ZMYND11: variants seen among roughly 807,000 people sequenced by gnomAD.
ZMYND11 encodes zinc finger MYND domain-containing protein 11.
ZMYND11 carries 9 observed loss-of-function variants against 84.9 expected under a neutral mutation model. The observed-to-expected ratio is 0.11, with a 90% confidence interval of 0.06 to 0.18. The LOEUF (loss-of-function observed/expected upper bound fraction) is 0.18. Among genes scored for constraint, ZMYND11 ranks in the 10% least tolerant of loss-of-function variants. ZMYND11 has a pLI of 1.00. For missense variants in ZMYND11, 409 were observed against 761.0 expected (o/e 0.54, Z 5.44); for synonymous variants, 250 against 244.1 (o/e 1.02, Z -0.23).
Position 202,613 on chromosome 10 carries a change from G to C in ZMYND11, c.117-7276G>C, listed in dbSNP as rs1352951679. Among the ~76,000 whole-genome samples the C allele has an allele frequency of 2.0e-5, 3 of 152,064 alleles. No homozygotes were observed. The East Asian group carries it at 5.8e-4, about 29-fold the overall frequency. On this transcript the variant is annotated intron_variant, in intron 2 of 14. Transcript: ENST00000381604. ...AGGAGGAAGCACTTAGTTTTGCGTTGTTGTCATTCGTGTGTGCTAGTTGCG... is the reference window on the plus strand; with the variant it reads ...AGGAGGAAGCACTTAGTTTTGCGTTCTTGTCATTCGTGTGTGCTAGTTGCG...
chr10:130,421 G>A (rs1202735593), upstream of ZMYND11, among the ~76,000 whole-genome samples: 1 of 152,138 alleles, frequency 6.6e-6, no homozygotes, highest in Non-Finnish European at 1.5e-5. Context: ...CTCCTTTTGT[G>A]TCAGGCATTT....
intron 3 of ZMYND11, among the ~76,000 whole-genome samples, chr10:220,989 T>C (rs1947056513): frequency 1.3e-5 from 2 of 152,196 alleles, no homozygotes; most frequent in Admixed American, 6.5e-5. Context: ...TCTTAAGATA[T>C]TTCTGAATAT....
At chr10:173,193 TATTTTAGGTACA>T (rs1554766107) in intron 1 of ZMYND11, among the ~76,000 whole-genome samples, 1 of 152,224 alleles carries the variant, frequency 6.6e-6, no homozygotes, top group East Asian at 1.9e-4. Context: ...GTGGTGATAA[TATTTTAGGTACA>T]ACAGCAAAGG....
At chr10:180,463 G>T (rs1359192387) in intron 2 of ZMYND11, among the ~76,000 whole-genome samples, 1 of 152,102 alleles carries the variant, frequency 6.6e-6, no homozygotes, top group Non-Finnish European at 1.5e-5. Context: ...GTGGTGACCC[G>T]ATCTCAGCTC....
In ZMYND11 at chr10:192,995, A is replaced by T. The variant is rs1007629173; in HGVS notation, c.116+12867A>T. Among the ~76,000 whole-genome samples the T allele has an allele frequency of 1.0e-3, 152 of 152,084 alleles. 5 individuals are homozygous for T. Among genetic ancestry groups the T allele is most frequent in the Non-Finnish European group, 3.4e-4 (23 of 67,956 alleles). On this transcript the variant is annotated intron_variant, in intron 2 of 14. Coordinates refer to ENST00000381604, the MANE Select transcript of ZMYND11 (RefSeq NM_001370100.5). The stretch of plus-strand genomic sequence containing the variant: ...TCTCATTCTGTCATCTGTTTATTTA[A>T]CTTTTTCCATAGTTTTATTTCTTGA...
chr10:174,773 A>G (rs938794053), intron 1 of ZMYND11, among the ~76,000 whole-genome samples: 2 of 149,086 alleles, frequency 1.3e-5, no homozygotes, highest in African/African-American at 2.5e-5. Flanking sequence ...ACAGTGGCAC[A>G]TGCTTGTCAT....
chr10:197,282 C>G (rs934272246), intron 2 of ZMYND11, among the ~76,000 whole-genome samples: 1 of 151,934 alleles, frequency 6.6e-6, no homozygotes, highest in Non-Finnish European at 1.5e-5. Flanking sequence ...TGTGTGTGCC[C>G]ACGTGCGCAT....
chr10:247,122 G>T (rs1952314563), intron 11 of ZMYND11, 149 bp downstream of exon 11: 3 of 883,712 alleles, frequency 3.4e-6, no homozygotes, highest in Non-Finnish European at 5.2e-6. Context: ...TAAACCAAAA[G>T]CAGTTCAAAT....
chr10:170,652 C>A (rs1306640248), intron 1 of ZMYND11, among the ~76,000 whole-genome samples: 4 of 151,970 alleles, frequency 2.6e-5, no homozygotes, highest in Non-Finnish European at 5.9e-5. Context: ...ATGTTGCAAA[C>A]TCTAGGGAAA....
chr10:139,793 C>G (rs185299722), intron 1 of ZMYND11, among the ~76,000 whole-genome samples: 17 of 141,434 alleles, frequency 1.2e-4, no homozygotes, highest in Non-Finnish European at 4.5e-5. Flanking sequence ...CTCACTACAA[C>G]CTCCACCTCC....
rs71374347 is a variant in ZMYND11 at position 200,205 on chromosome 10, G to GGTGTGTGTGTGTGT, written c.117-9677_117-9664dup. 9.0e-3 allele frequency among the ~76,000 whole-genome samples: 1,196 copies of GGTGTGTGTGTGTGT among 132,372 alleles called. 19 individuals carry two copies. The highest frequency in any genetic ancestry group is 0.024 in the African/African-American group (857 of 36,328). 86.8% of individuals were successfully genotyped at this position (132,372 alleles called of 152,430 possible). A position where few individuals can be genotyped will look rare whatever the true frequency, so the allele number is the denominator to read the frequency against. ...GACATGTGCTGCCATGCCTGGCTAG[G>GGTGTGTGTGTGTGT]GTGTGTGTGTGTGTGTGTGTATAAT... is the stretch of plus-strand genomic sequence containing the variant. On this transcript the variant is annotated intron_variant, in intron 2 of 14. Transcript: ENST00000381604.
In ZMYND11 at chr10:220,392, TAAG is replaced by T. The variant is rs1300981119; in HGVS notation, c.277-801_277-799del. Among the ~76,000 whole-genome samples the T allele has an allele frequency of 3.3e-5, 5 of 152,288 alleles. No homozygotes were observed. In the East Asian group the frequency reaches 9.6e-4, roughly 29 times the overall value. ...TATTTATAAATAATGAATTCTAAAT[TAAG>T]AGAACTTCTAACACTTGCTTTGTAT... On this transcript the variant is annotated intron_variant, in intron 3 of 14. Transcript: ENST00000381604.
At chr10:142,845 C>G (rs1837803776) in intron 1 of ZMYND11, among the ~76,000 whole-genome samples, 1 of 152,142 alleles carries the variant, frequency 6.6e-6, no homozygotes, top group Non-Finnish European at 1.5e-5. Context: ...CCGGTAATGA[C>G]AGGTAGTAAT....
At chr10:183,660 T>C (rs571683497) in intron 2 of ZMYND11, among the ~76,000 whole-genome samples, 1 of 152,350 alleles carries the variant, frequency 6.6e-6, no homozygotes, top group South Asian at 2.1e-4. Context: ...TTTAGCAGTT[T>C]TAAAAATAGG....
intron 1 of ZMYND11, among the ~76,000 whole-genome samples, chr10:146,235 G>T (rs1298113779): frequency 2.0e-5 from 3 of 152,060 alleles, no homozygotes; most frequent in Non-Finnish European, 4.4e-5. Flanking sequence ...TCCATTCTGT[G>T]TGTCTACTTT....
chr10:227,101 TAAA>T (rs1394957333), intron 4 of ZMYND11, among the ~76,000 whole-genome samples: 1 of 152,130 alleles, frequency 6.6e-6, no homozygotes, highest in Non-Finnish European at 1.5e-5. Context: ...GATGAGGAAA[TAAA>T]GAAGAATCTA....
chr10:218,841 A>G (rs963695152), intron 3 of ZMYND11, among the ~76,000 whole-genome samples: 1 of 152,204 alleles, frequency 6.6e-6, no homozygotes, highest in Admixed American at 6.5e-5. Context: ...CTATTTACCA[A>G]AAGACAAATT....
Position 248,474 on chromosome 10 carries a change from C to T in ZMYND11, c.1366C>T (p.Gln456Ter). 6.2e-7 allele frequency: 1 copy of T among 1,614,194 alleles called. No individual in the cohort carries two copies. ...ACCAAGAATGCTGCATCGGAGCACC[C>T]AGACCACAAACGACGGCGTGTGTCA... ...SSPRMLHRST[Q>*]TTNDGVCQSM... Residue 456 changes from glutamine (Q) to a stop codon, truncating the protein, a stop_gained, in exon 13 of 15, where the codon CAG becomes TAG. Transcript: ENST00000381604. LOFTEE classifies it high-confidence loss of function.
Position 247,108 on chromosome 10 carries a change from A to G in ZMYND11, c.1158+135A>G, listed in dbSNP as rs544060275. On this transcript the variant is annotated intron_variant, in intron 11 of 14. Coordinates refer to ENST00000381604, the MANE Select transcript of ZMYND11 (RefSeq NM_001370100.5). ...TTTTACATTTGTAAAGTGCTCTGCA[A>G]AACTAAACCAAAAGCAGTTCAAATG... 1.7e-4 allele frequency: 164 copies of G among 956,520 alleles called. 7 individuals carry two copies. In the South Asian group the frequency reaches 2.6e-3, roughly 15 times the overall value. 59.3% of individuals were successfully genotyped at this position (956,520 alleles called of 1,614,324 possible). A position where few individuals can be genotyped will look rare whatever the true frequency, so the allele number is the denominator to read the frequency against.
Sources: allele counts gnomAD v4.1 joint callset (sites outside exome capture counted in the v4.1 genomes callset), GRCh38; gene constraint gnomAD v4.1.1; transcripts MANE v1.5; gene names NCBI Gene and HGNC (gene_info 2026-07-23, HGNC 2026-07-21).